The following SYNJ2 variants were observed in gnomAD, a reference collection of about 807,000 sequenced individuals.
The protein encoded by SYNJ2 is synaptojanin 2.
Under a neutral mutation model 141.3 loss-of-function variants are expected in SYNJ2, and 116 were observed. The ratio of observed to expected loss-of-function variants is 0.82; its 90% confidence interval spans 0.71 to 0.96. SYNJ2 has a LOEUF of 0.96. Among genes scored for constraint, SYNJ2 ranks in the 40% least tolerant of loss-of-function variants. The pLI is 0.00. For missense variants in SYNJ2, 1,873 were observed against 1,934.8 expected (o/e 0.97, Z 0.60); for synonymous variants, 745 against 777.7 (o/e 0.96, Z 0.70).
At chr6:158,086,721 C>G in intron 22 of SYNJ2, 134 bp from the exon 23 acceptor site, 1 of 807,694 alleles carries the variant, frequency 1.2e-6, no homozygotes, top group Non-Finnish European at 1.7e-6. Flanking sequence ...CAGAGGTGCC[C>G]GTTTCTGGAC....
intron 1 of SYNJ2, among the ~76,000 whole-genome samples, chr6:157,990,399 G>C (rs1777377990): frequency 6.6e-6 from 1 of 152,124 alleles, no homozygotes; most frequent in South Asian, 2.1e-4. Context: ...TGTTTCTAGT[G>C]AGCCCACACA....
chr6:158,003,271 G>A lies in SYNJ2; in HGVS notation c.128-13933G>A, dbSNP rs115897292. 5.0e-3 allele frequency among the ~76,000 whole-genome samples: 760 copies of A among 152,292 alleles called. 5 individuals carry two copies. The highest frequency in any genetic ancestry group is 0.017 in the African/African-American group (719 of 41,560). Reference sequence around the variant, plus strand: ...TGGGAGGACAGGAGAGTCCTTTAGCGGGCTGATGTGTGTCTGCCAGTTGGC... The same window carrying A: ...TGGGAGGACAGGAGAGTCCTTTAGCAGGCTGATGTGTGTCTGCCAGTTGGC... On this transcript the variant is annotated intron_variant, in intron 1 of 26. Transcript: ENST00000355585.
chr6:158,073,926 G>T (rs6936573), intron 15 of SYNJ2, among the ~76,000 whole-genome samples: 105,248 of 150,326 alleles, frequency 0.7, 37,097 homozygotes, highest in East Asian at 0.88. Context: ...ATCTAAGAGA[G>T]AGCTGGTGGT....
At chr6:158,018,916 G>A (rs1381493945) in intron 2 of SYNJ2, among the ~76,000 whole-genome samples, 4 of 152,252 alleles carry the variant, frequency 2.6e-5, no homozygotes, top group African/African-American at 9.6e-5. Context: ...TCTTCCTGAA[G>A]TTGCAGGAAA....
intron 1 of SYNJ2, among the ~76,000 whole-genome samples, chr6:158,013,905 G>T (rs2128326128): frequency 6.6e-6 from 1 of 152,348 alleles, no homozygotes; most frequent in Non-Finnish European, 1.5e-5. Context: ...AAATATGTGT[G>T]TTTGATAAAC....
rs555817492 is a variant in SYNJ2 at position 158,067,482 on chromosome 6, T to C, written c.1717+847T>C. ...ACCTTTTATCTTGTAAGATACACTA[T>C]TGAATGGCCCCAGAACTTAGGATCT... On this transcript the variant is annotated intron_variant, in intron 12 of 26. Transcript: ENST00000355585. 468 of 985,468 alleles carry C rather than the reference T, an allele frequency of 4.7e-4. 2 individuals are homozygous for C. The Middle Eastern group carries it at 9.9e-3, about 21-fold the overall frequency. 61.0% of individuals were successfully genotyped at this position (985,468 alleles called of 1,614,324 possible).
At chr6:158,037,114 A>G (rs575756193) in intron 4 of SYNJ2, among the ~76,000 whole-genome samples, 1 of 152,144 alleles carries the variant, frequency 6.6e-6, no homozygotes, top group Non-Finnish European at 1.5e-5. Flanking sequence ...TGCCCATAAT[A>G]AAGTACCCCA....
chr6:158,086,975 G>A lies in SYNJ2; in HGVS notation c.3329G>A (p.Arg1110Lys). 6.3e-7 allele frequency: 1 copy of A among 1,592,988 alleles called. No individual in the cohort carries two copies. The highest frequency in any genetic ancestry group is 2.3e-5 in the East Asian group (1 of 44,056). The change falls in exon 23 of 27, where the codon AGA becomes AAA. Residue 1110 changes from arginine to lysine, a missense_variant. Arg to Lys is a conservative substitution (Grantham distance 26). Coordinates refer to ENST00000355585, the MANE Select transcript of SYNJ2 (RefSeq NM_003898.4). ...CCTCGGCCACCTCAACCCCCGCAGAGACCCCCCCCTCCAAGTAAGACTCTG... is the reference window on the plus strand; with the variant it reads ...CCTCGGCCACCTCAACCCCCGCAGAAACCCCCCCCTCCAAGTAAGACTCTG... ...NRPRPPQPPQ[R>K]PPPPTGLMVK...
chr6:158,089,146 G>T (rs1386417343), intron 24 of SYNJ2, among the ~76,000 whole-genome samples: 1 of 152,122 alleles, frequency 6.6e-6, no homozygotes, highest in Non-Finnish European at 1.5e-5. Context: ...GAGTGAAGTT[G>T]GTTGAGAGAA....
chr6:158,081,187 C>G lies in SYNJ2; in HGVS notation c.2646C>G (p.Ser882=). Residue 882 remains serine, a synonymous_variant, in exon 19 of 27, where the codon TCC becomes TCG. Transcript: ENST00000355585. ...GGGAGAGGGTTTTCCAGGAAGTGTCCTCCTTCCAGGGCCCCCTGGATGCCA... is the reference window on the plus strand; with the variant it reads ...GGGAGAGGGTTTTCCAGGAAGTGTCGTCCTTCCAGGGCCCCCTGGATGCCA... ...GARERVFQEV[S]SFQGPLDATV... The G allele has an allele frequency of 6.2e-7, 1 of 1,614,116 alleles. No homozygotes were observed. Among genetic ancestry groups the G allele is most frequent in the Admixed American group, 1.7e-5 (1 of 60,006 alleles).
At chr6:158,010,773 T>C (rs1396433921) in intron 1 of SYNJ2, among the ~76,000 whole-genome samples, 1 of 151,676 alleles carries the variant, frequency 6.6e-6, no homozygotes, top group African/African-American at 2.4e-5. Flanking sequence ...CATGTGACAA[T>C]GGAGGGACAT....
intron 11 of SYNJ2, among the ~76,000 whole-genome samples, 180 bp downstream of exon 11, chr6:158,065,171 T>G (rs955885143): frequency 6.6e-6 from 1 of 152,222 alleles, no homozygotes; most frequent in Non-Finnish European, 1.5e-5. Flanking sequence ...CTGCTGGGCC[T>G]GGGAGCTCAC....
upstream of SYNJ2, among the ~76,000 whole-genome samples, chr6:157,981,635 A>T (rs1777008615): frequency 6.6e-6 from 1 of 151,706 alleles, no homozygotes; most frequent in Non-Finnish European, 1.5e-5. The surrounding 1 kb of genome is among the most constrained non-coding windows in gnomAD (Gnocchi z 6.4). Flanking sequence ...CGCAGCGAGG[A>T]ATGCGTGGCA....
At position 158,068,110 on chromosome 6, in the gene SYNJ2, A is replaced by T. The variant is rs1338098614; in HGVS notation, c.1718-537A>T. The T allele has an allele frequency of 2.4e-5, 9 of 368,872 alleles. 1 individual carries two copies. Among genetic ancestry groups the T allele is most frequent in the Non-Finnish European group, 3.4e-5 (9 of 268,122 alleles). The allele number at this position is 368,872 out of a possible 1,614,324, so 22.8% of individuals were successfully genotyped here. ...TGCTGTGGTTACTATTGCCAAGCAG[A>T]TCAGACAGAGGGACGGGGATTGTTT... On this transcript the variant is annotated intron_variant, in intron 12 of 26. Transcript: ENST00000355585.
chr6:158,053,689 CCATCCATCCATCCAGT>C (rs1410211776), intron 5 of SYNJ2, among the ~76,000 whole-genome samples: 2 of 151,726 alleles, frequency 1.3e-5, no homozygotes, highest in Non-Finnish European at 2.9e-5. Flanking sequence ...AGCCAGTCAT[CCATCCATCCATCCAGT>C]CATCCACCCA....
At chr6:158,019,225 C>G (rs563637145) in intron 2 of SYNJ2, among the ~76,000 whole-genome samples, 47 of 152,308 alleles carry the variant, frequency 3.1e-4, no homozygotes, top group African/African-American at 9.4e-4. Context: ...TGGGATTCGA[C>G]GAATTACAGT....
chr6:158,080,975 G>A, intron 18 of SYNJ2, 134 bp from the exon 19 acceptor site: 1 of 798,660 alleles, frequency 1.3e-6, no homozygotes. Flanking sequence ...TTTACAAAGA[G>A]CCCTGGGGGA....
At position 158,089,974 on chromosome 6, in the gene SYNJ2, A is replaced by G. The variant is rs771234605; in HGVS notation, c.3565+27A>G. On this transcript the variant is annotated intron_variant, in intron 25 of 26. Transcript: ENST00000355585. ...TAGGTGCTTTCCTGGGGGCAGGGGA[A>G]AAACCAATTCTCCTTTTCTTTTTAT... 2.6e-6 allele frequency: 4 copies of G among 1,512,978 alleles called. No homozygotes were observed. The Admixed American group carries it at 5.1e-5, about 19-fold the overall frequency. The allele number at this position is 1,512,978 out of a possible 1,614,324, so 93.7% of individuals were successfully genotyped here.
At chr6:158,002,720 TG>T (rs1453482733) in intron 1 of SYNJ2, among the ~76,000 whole-genome samples, 1 of 152,146 alleles carries the variant, frequency 6.6e-6, no homozygotes, top group African/African-American at 2.4e-5. Flanking sequence ...GCTTCTTTCT[TG>T]TTCCCTGTTG....
Sources: gnomAD v4.1 joint callset for allele counts (sites outside exome capture counted in the v4.1 genomes callset) on GRCh38, gnomAD v4.1.1 for gene constraint, Gnocchi (gnomAD v3.1) non-coding constraint, MANE v1.5 for transcripts, NCBI Gene and HGNC (gene_info 2026-07-23, HGNC 2026-07-21) for gene names.